Variants in PDE8B observed in about 807,000 individuals in gnomAD.
PDE8B encodes phosphodiesterase 8B, also known as high affinity cAMP-specific and IBMX-insensitive 3',5'-cyclic phosphodiesterase 8B.
PDE8B carries 26 observed loss-of-function variants against 101.3 expected under a neutral mutation model. That is an observed-to-expected ratio of 0.26 (90% CI 0.19 to 0.36). PDE8B has a LOEUF of 0.36. Among genes scored for constraint, PDE8B ranks in the 10% least tolerant of loss-of-function variants. The pLI is 1.00. For synonymous variants in PDE8B, 424 were observed against 429.3 expected (o/e 0.99, Z 0.15); for missense variants, 810 against 1,163.1 (o/e 0.70, Z 4.42).
intron 10 of PDE8B, among the ~76,000 whole-genome samples, chr5:77,391,714 G>A (rs1005003804): frequency 5.3e-5 from 8 of 152,218 alleles, no homozygotes; most frequent in Non-Finnish European, 8.8e-5. Context: ...GGAGCTCCAC[G>A]AGCCAATCGG....
the PDE8B span, among the ~76,000 whole-genome samples, chr5:77,130,159 G>C: frequency 6.6e-6 from 1 of 151,934 alleles, no homozygotes; most frequent in Non-Finnish European, 1.5e-5. Context: ...GGTGAGGGAG[G>C]GGAACTAACA....
chr5:77,257,772 G>C (rs1334635745), intron 1 of PDE8B, among the ~76,000 whole-genome samples: 1 of 152,008 alleles, frequency 6.6e-6, no homozygotes, highest in Non-Finnish European at 1.5e-5. Context: ...CCATCCCCTA[G>C]TTATTAAGCC....
At chr5:77,358,474 C>T (rs1212738599) in intron 10 of PDE8B, 13 of 982,932 alleles carry the variant, frequency 1.3e-5, no homozygotes, top group African/African-American at 1.7e-5. Context: ...CGCCTTAGGG[C>T]GGGGACTGTG....
At chr5:77,152,223 T>G in the PDE8B span, 3 of 152,158 alleles carry the variant, frequency 2.0e-5, no homozygotes, top group Non-Finnish European at 4.4e-5. Context: ...TGAACCTGAG[T>G]CACTAAGTGA....
the PDE8B span, among the ~76,000 whole-genome samples, chr5:77,108,847 G>A: frequency 6.6e-6 from 1 of 151,918 alleles, no homozygotes; most frequent in Non-Finnish European, 1.5e-5. Context: ...TTGCTTTTTT[G>A]GTTATTGTTA....
At chr5:77,193,098 A>G in the PDE8B span, among the ~76,000 whole-genome samples, 8 of 152,198 alleles carry the variant, frequency 5.3e-5, no homozygotes, top group Non-Finnish European at 8.8e-5. Context: ...CATTGGATGT[A>G]TATTTCTCCC....
intron 10 of PDE8B, among the ~76,000 whole-genome samples, chr5:77,376,375 C>T (rs1204264023): frequency 6.6e-6 from 1 of 152,218 alleles, no homozygotes; most frequent in African/African-American, 2.4e-5. Flanking sequence ...AGAGCCAGAG[C>T]TTTATCTCTT....
At chr5:77,407,752 C>T (rs530756327) in intron 13 of PDE8B, among the ~76,000 whole-genome samples, 36 of 152,204 alleles carry the variant, frequency 2.4e-4, no homozygotes, top group Non-Finnish European at 4.7e-4. Flanking sequence ...TAAGATGTTA[C>T]TCAGGAGAAG....
chr5:77,280,278 C>A (rs1462147405), intron 1 of PDE8B, among the ~76,000 whole-genome samples: 1 of 152,158 alleles, frequency 6.6e-6, no homozygotes, highest in Non-Finnish European at 1.5e-5. Context: ...CAGGCAGTCA[C>A]GTGCAAGCCC....
chr5:77,370,585 G>T lies in PDE8B; in HGVS notation c.1167+17179G>T, dbSNP rs115312150. 3.3e-3 allele frequency among the ~76,000 whole-genome samples: 505 copies of T among 152,354 alleles called. 1 individual carries two copies. The highest frequency in any genetic ancestry group is 0.012 in the African/African-American group (481 of 41,588). Reference sequence around the variant, plus strand: ...TTGATGGGCACCTAGATTGGTGCCAGTCTTGAGCTATTATGAATAAAGCTG... The same window carrying T: ...TTGATGGGCACCTAGATTGGTGCCATTCTTGAGCTATTATGAATAAAGCTG... On this transcript the variant is annotated intron_variant, in intron 10 of 21. Coordinates refer to ENST00000264917, the MANE Select transcript of PDE8B (RefSeq NM_003719.5).
intron 1 of PDE8B, among the ~76,000 whole-genome samples, chr5:77,285,527 G>A (rs180791563): frequency 5.3e-5 from 8 of 152,178 alleles, no homozygotes; most frequent in Non-Finnish European, 8.8e-5. Flanking sequence ...TTCTCGGGCC[G>A]CTTTTGTCTT....
the PDE8B span, among the ~76,000 whole-genome samples, chr5:77,179,268 A>G: frequency 6.6e-6 from 1 of 152,328 alleles, no homozygotes; most frequent in East Asian, 1.9e-4. Context: ...TCTAAAAATG[A>G]CTTATTTTTC....
the PDE8B span, among the ~76,000 whole-genome samples, chr5:77,169,353 G>A: frequency 0.071 from 10,851 of 152,188 alleles, 835 homozygotes; most frequent in East Asian, 0.38. Context: ...TGCTTCTCAC[G>A]TTTTAACGTA....
At chr5:77,392,280 C>G (rs1306963607) in intron 10 of PDE8B, among the ~76,000 whole-genome samples, 1 of 152,162 alleles carries the variant, frequency 6.6e-6, no homozygotes, top group African/African-American at 2.4e-5. Flanking sequence ...CTATGCAGAC[C>G]TACCCCCCAA....
At chr5:77,342,764 A>T (rs1217824389) in intron 6 of PDE8B, among the ~76,000 whole-genome samples, 1 of 152,226 alleles carries the variant, frequency 6.6e-6, no homozygotes, top group Admixed American at 6.5e-5. Flanking sequence ...AATATAGGGA[A>T]GGTCACCAAG....
At chr5:77,107,717 A>G in the PDE8B span, among the ~76,000 whole-genome samples, 1 of 152,228 alleles carries the variant, frequency 6.6e-6, no homozygotes, top group South Asian at 2.1e-4. Flanking sequence ...TGGCAATTCT[A>G]AACAAAGCCA....
intron 1 of PDE8B, among the ~76,000 whole-genome samples, chr5:77,262,221 A>G (rs191717851): frequency 3.3e-5 from 5 of 152,130 alleles, no homozygotes; most frequent in East Asian, 3.9e-4. Flanking sequence ...AAAGGCAGAA[A>G]ATGGAGAGAA....
intron 1 of PDE8B, among the ~76,000 whole-genome samples, chr5:77,292,554 A>G (rs1470874356): frequency 6.6e-6 from 1 of 152,130 alleles, no homozygotes; most frequent in Non-Finnish European, 1.5e-5. Context: ...TCACTGTAAA[A>G]TCTTTGGAAT....
At chr5:77,150,078 AG>A in the PDE8B span, among the ~76,000 whole-genome samples, 121 of 152,350 alleles carry the variant, frequency 7.9e-4, 1 homozygote, top group African/African-American at 2.6e-3. Context: ...CACATCCTCC[AG>A]CCACCAGATT....
Sources: gnomAD v4.1 joint callset for allele counts (sites outside exome capture counted in the v4.1 genomes callset) on GRCh38, gnomAD v4.1.1 for gene constraint, MANE v1.5 for transcripts, NCBI Gene and HGNC (gene_info 2026-07-23, HGNC 2026-07-21) for gene names.